TTC7A: variants seen among roughly 807,000 people sequenced by gnomAD.
TTC7A encodes tetratricopeptide repeat domain 7A, also known as tetratricopeptide repeat protein 7A.
TTC7A carries 110 observed loss-of-function variants against 103.7 expected under a neutral mutation model. The ratio of observed to expected loss-of-function variants is 1.06; its 90% CI spans 0.91 to 1.24. The LOEUF (loss-of-function observed/expected upper bound fraction) is 1.24, where lower values mean the gene tolerates loss of function less well. Among genes scored for constraint, TTC7A ranks in the 50% most tolerant of loss-of-function variants. TTC7A has a pLI of 0.00. For synonymous variants in TTC7A, 521 were observed against 467.9 expected (o/e 1.11, Z -1.47); for missense variants, 1,340 against 1,116.3 (o/e 1.20, Z -2.86).
At chr2:46,946,506 G>A (rs1008692941) in intron 1 of TTC7A, among the ~76,000 whole-genome samples, 6 of 152,048 alleles carry the variant, frequency 3.9e-5, no homozygotes, top group Non-Finnish European at 8.8e-5. Context: ...TCCCTACAGC[G>A]TTGAACTCTT....
intron 5 of TTC7A, among the ~76,000 whole-genome samples, chr2:46,983,590 T>C (rs887091153): frequency 6.6e-6 from 1 of 152,234 alleles, no homozygotes; most frequent in Non-Finnish European, 1.5e-5. Flanking sequence ...GTCACCACTT[T>C]AACTCCTCAG....
chr2:47,068,247 C>G (rs1213297842), intron 19 of TTC7A: 1 of 152,180 alleles, frequency 6.6e-6, no homozygotes, highest in Non-Finnish European at 1.5e-5. Flanking sequence ...TGGAGGTGCC[C>G]TGACACTGGG....
intron 8 of TTC7A, among the ~76,000 whole-genome samples, chr2:46,996,228 G>A (rs936997924): frequency 2.0e-5 from 3 of 152,214 alleles, no homozygotes; most frequent in African/African-American, 7.2e-5. Context: ...GAGTGGGGCA[G>A]GAGCATCAGA....
At chr2:46,985,822 A>T (rs1320555099) in intron 5 of TTC7A, among the ~76,000 whole-genome samples, 8 of 152,172 alleles carry the variant, frequency 5.3e-5, no homozygotes, top group Non-Finnish European at 1.0e-4. Flanking sequence ...TATTTTTTTT[A>T]AATGCATTTG....
intron 1 of TTC7A, among the ~76,000 whole-genome samples, chr2:46,945,944 C>T (rs1670899399): frequency 6.6e-6 from 1 of 152,198 alleles, no homozygotes; most frequent in Non-Finnish European, 1.5e-5. Flanking sequence ...AGGGCCTGGT[C>T]TGAATCCTGG....
upstream of TTC7A, chr2:46,916,143 A>T: frequency 2.0e-6 from 2 of 985,158 alleles, no homozygotes; most frequent in Non-Finnish European, 2.4e-6. Flanking sequence ...CTGGCTCCCA[A>T]CTCCGCTCAC....
At chr2:46,948,543 G>T (rs1671129349) in intron 1 of TTC7A, among the ~76,000 whole-genome samples, 1 of 152,152 alleles carries the variant, frequency 6.6e-6, no homozygotes, top group Non-Finnish European at 1.5e-5. Context: ...CCCTGCGATG[G>T]TGTTCTTGGG....
At chr2:47,004,015 C>G (rs1466921068) in intron 8 of TTC7A, among the ~76,000 whole-genome samples, 1 of 152,204 alleles carries the variant, frequency 6.6e-6, no homozygotes, top group African/African-American at 2.4e-5. Context: ...GTGGACTTCA[C>G]TGGGAAGGAG....
chr2:46,944,992 C>G (rs1006481836), intron 1 of TTC7A, among the ~76,000 whole-genome samples: 2 of 152,146 alleles, frequency 1.3e-5, no homozygotes, highest in Admixed American at 6.5e-5. Flanking sequence ...TGTACCCCAC[C>G]CAACATTTTG....
In TTC7A at chr2:47,074,468, CCTG is replaced by C. The variant is rs1685060555; in HGVS notation, c.*548_*550del. 1 of 112,174 alleles carries C rather than the reference CCTG, an allele frequency of 8.9e-6. No homozygotes were observed. The highest frequency in any genetic ancestry group is 1.8e-5 in the Non-Finnish European group (1 of 56,574). 6.9% of individuals were successfully genotyped at this position (112,174 alleles called of 1,614,324 possible). ...GCTGGGCCCCACCTTGCTCTTTCCC[CCTG>C]CTACCAAGTGCCTTTGGGGTCTGAC... On this transcript the variant is annotated 3_prime_UTR_variant, in exon 20 of 20. Coordinates refer to ENST00000319190, the MANE Select transcript of TTC7A (RefSeq NM_020458.4).
At chr2:46,947,064 C>A (rs1671006822) in intron 1 of TTC7A, among the ~76,000 whole-genome samples, 1 of 152,100 alleles carries the variant, frequency 6.6e-6, no homozygotes, top group African/African-American at 2.4e-5. Flanking sequence ...AGTTCTTATC[C>A]CTGTCCTTGG....
intron 18 of TTC7A, 129 bp downstream of exon 18, chr2:47,052,009 C>G (rs1200106552): frequency 8.2e-7 from 1 of 1,217,004 alleles, no homozygotes; most frequent in African/African-American, 1.5e-5. Context: ...GTTACAGAGT[C>G]CTCGCCTCTG....
intron 15 of TTC7A, among the ~76,000 whole-genome samples, chr2:47,044,247 G>A (rs1682069334): frequency 6.6e-6 from 1 of 152,202 alleles, no homozygotes; most frequent in South Asian, 2.1e-4. Context: ...TTCTTCCCCT[G>A]TACTGAGTCT....
chr2:46,930,561 G>A (rs536239760), intron 2 of TTC7A, among the ~76,000 whole-genome samples: 41 of 149,076 alleles, frequency 2.8e-4, no homozygotes, highest in African/African-American at 6.7e-4. Flanking sequence ...ATGCAGTGGC[G>A]CGATCTTGGC....
chr2:46,978,486 G>A (rs1674097946), intron 4 of TTC7A, among the ~76,000 whole-genome samples: 1 of 151,994 alleles, frequency 6.6e-6, no homozygotes, highest in South Asian at 2.1e-4. Flanking sequence ...CACCACTTTG[G>A]GAGGCTGAGG....
intron 15 of TTC7A, chr2:47,035,433 C>A (rs1311173743): frequency 2.0e-5 from 3 of 152,228 alleles, no homozygotes; most frequent in African/African-American, 7.2e-5. Context: ...CGGATCCTTC[C>A]CCAAAGGTCA....
intron 2 of TTC7A, among the ~76,000 whole-genome samples, chr2:46,934,849 G>A (rs1422876357): frequency 1.6e-5 from 2 of 128,934 alleles, no homozygotes; most frequent in Non-Finnish European, 3.1e-5. Context: ...TCGCCAGGCT[G>A]GAGTGCAGTG....
chr2:47,003,659 C>T (rs187164169), intron 8 of TTC7A, among the ~76,000 whole-genome samples: 5 of 152,320 alleles, frequency 3.3e-5, no homozygotes, highest in Admixed American at 1.3e-4. Context: ...CTGCAGACTG[C>T]CTGGCTCCAC....
At chr2:47,036,407 G>A (rs1251014846) in intron 15 of TTC7A, among the ~76,000 whole-genome samples, 1 of 152,242 alleles carries the variant, frequency 6.6e-6, no homozygotes, top group Admixed American at 6.5e-5. Flanking sequence ...TAGAGGACAT[G>A]GGTCAGTCTA....
Sources: gnomAD v4.1 joint callset for allele counts (sites outside exome capture counted in the v4.1 genomes callset) on GRCh38, gnomAD v4.1.1 for gene constraint, MANE v1.5 for transcripts, NCBI Gene and HGNC (gene_info 2026-07-23, HGNC 2026-07-21) for gene names.